Variants in EPB41L4B observed in about 807,000 individuals in gnomAD.
EPB41L4B encodes erythrocyte membrane protein band 4.1 like 4B, also known as band 4.1-like protein 4B.
EPB41L4B carries 30 observed loss-of-function variants against 112.5 expected under a neutral mutation model. The ratio of observed to expected loss-of-function variants is 0.27; its 90% CI spans 0.20 to 0.36. The LOEUF (loss-of-function observed/expected upper bound fraction) is 0.36, where lower values mean the gene tolerates loss of function less well. Among genes scored for constraint, EPB41L4B ranks in the 10% least tolerant of loss-of-function variants. EPB41L4B has a pLI of 1.00. For synonymous variants in EPB41L4B, 408 were observed against 439.7 expected, an observed-to-expected ratio of 0.93 and a Z score of 0.90; for missense variants, 1,024 against 1,133.3, an observed-to-expected ratio of 0.90 and a Z score of 1.38.
At chr9:109,248,377 G>A (rs1049965976) in intron 13 of EPB41L4B, among the ~76,000 whole-genome samples, 8 of 152,184 alleles carry the variant, frequency 5.3e-5, no homozygotes, top group African/African-American at 1.7e-4. Flanking sequence ...TAATCCACAC[G>A]ACAAGGCTAT....
At chr9:109,175,323 T>A (rs187555383) in intron 25 of EPB41L4B, among the ~76,000 whole-genome samples, 1 of 152,258 alleles carries the variant, frequency 6.6e-6, no homozygotes, top group East Asian at 1.9e-4. Flanking sequence ...TTGATGAATA[T>A]CTGAGGGAAT....
At chr9:109,209,448 C>G (rs1403704359) in intron 17 of EPB41L4B, among the ~76,000 whole-genome samples, 2 of 151,706 alleles carry the variant, frequency 1.3e-5, no homozygotes, top group East Asian at 3.9e-4. Context: ...ATCACTTGAG[C>G]CCAGGAGTTG....
chr9:109,253,513 A>C lies in EPB41L4B; in HGVS notation c.1207T>G (p.Leu403Val). Residue 403 changes from leucine (L) to valine (V), a missense_variant, in exon 12 of 26, where the codon TTA becomes GTA. Physicochemically the swap from Leu to Val is conservative, Grantham distance 32. Coordinates refer to ENST00000374566, the MANE Select transcript of EPB41L4B (RefSeq NM_019114.5). ...TEYQATHGSR[L>V]RRTSTFERKP... is the part of the protein sequence containing the mutation. ...CTCTCAAAGGTGCTGGTTCTTCGTA[A>C]CCTGGAGCCATGTGTAGCTTGATAT... 1 of 1,614,006 alleles carries C rather than the reference A, an allele frequency of 6.2e-7. No homozygotes were observed. The highest frequency in any genetic ancestry group is 1.3e-5 in the African/African-American group (1 of 75,046).
At chr9:109,242,119 G>C (rs1834372569) in intron 15 of EPB41L4B, among the ~76,000 whole-genome samples, 1 of 152,170 alleles carries the variant, frequency 6.6e-6, no homozygotes, top group Non-Finnish European at 1.5e-5. Flanking sequence ...ATTACTACAG[G>C]GCTGCTTGGA....
intron 1 of EPB41L4B, among the ~76,000 whole-genome samples, chr9:109,282,616 C>T (rs1371776744): frequency 6.6e-6 from 1 of 152,172 alleles, no homozygotes; most frequent in Admixed American, 6.5e-5. Flanking sequence ...CACCCCATCA[C>T]CTAAGATGTA....
intron 6 of EPB41L4B, 40 bp downstream of exon 6, chr9:109,263,010 A>G (rs1177033202): frequency 1.8e-5 from 25 of 1,405,882 alleles, no homozygotes; most frequent in East Asian, 4.7e-5. Flanking sequence ...ATAAAAAGCA[A>G]TAACATTAAA....
intron 15 of EPB41L4B, chr9:109,241,832 G>C: frequency 6.2e-7 from 1 of 1,613,168 alleles, no homozygotes; most frequent in Non-Finnish European, 8.5e-7. Context: ...CAGAGCGAAT[G>C]GTTAGTGGGA....
intron 1 of EPB41L4B, 115 bp from the exon 2 acceptor site, chr9:109,280,036 A>G: frequency 1.5e-6 from 1 of 678,650 alleles, no homozygotes; most frequent in East Asian, 2.8e-5. Context: ...GCACACACAA[A>G]TTTTTAAATT....
Position 109,200,334 on chromosome 9 carries a change from T to C in EPB41L4B, c.1947A>G (p.Arg649=), listed in dbSNP as rs906532116. ...TTTCCACACGAATAGGAATAGGACTTCTAGAGACACACCGAAAAACAGAAC... is the reference window on the plus strand; with the variant it reads ...TTTCCACACGAATAGGAATAGGACTCCTAGAGACACACCGAAAAACAGAAC... The part of the protein sequence containing the change: ...KKSSLQDASV[R]SPIPIRVETA... Residue 649 remains arginine (R), a splice_region_variant and synonymous_variant, in exon 20 of 26, where the codon AGA becomes AGG. Coordinates refer to ENST00000374566, the MANE Select transcript of EPB41L4B (RefSeq NM_019114.5). 7.4e-6 allele frequency: 12 copies of C among 1,613,454 alleles called. No individual in the cohort carries two copies. Among genetic ancestry groups the C allele is most frequent in the Middle Eastern group, 1.6e-4 (1 of 6,084 alleles).
At chr9:109,227,684 C>T (rs919871942) in intron 15 of EPB41L4B, among the ~76,000 whole-genome samples, 7 of 151,908 alleles carry the variant, frequency 4.6e-5, no homozygotes, top group African/African-American at 1.7e-4. Context: ...TGGATTCAAG[C>T]GATTCTCCTG....
chr9:109,237,387 A>C (rs1834184455), intron 15 of EPB41L4B, among the ~76,000 whole-genome samples: 3 of 152,244 alleles, frequency 2.0e-5, no homozygotes. Flanking sequence ...CAGAAACATG[A>C]ATAGATGATA....
intron 15 of EPB41L4B, among the ~76,000 whole-genome samples, chr9:109,217,960 T>C (rs1023511916): frequency 2.6e-5 from 4 of 151,694 alleles, no homozygotes; most frequent in African/African-American, 9.7e-5. Flanking sequence ...GGCCGTGTCA[T>C]CTCCCACCTA....
intron 1 of EPB41L4B, among the ~76,000 whole-genome samples, chr9:109,282,993 T>C (rs751046532): frequency 4.6e-5 from 7 of 152,156 alleles, no homozygotes; most frequent in Middle Eastern, 6.8e-3. Flanking sequence ...AATGATTCCA[T>C]TTCTTTCTTC....
intron 2 of EPB41L4B, among the ~76,000 whole-genome samples, chr9:109,272,501 C>T (rs2083143204): frequency 6.6e-6 from 1 of 151,266 alleles, no homozygotes; most frequent in Admixed American, 6.6e-5. Context: ...GTCTGTAATC[C>T]CAGTACTTTG....
intron 24 of EPB41L4B, among the ~76,000 whole-genome samples, chr9:109,178,158 C>G (rs1458246659): frequency 2.0e-5 from 3 of 152,104 alleles, no homozygotes; most frequent in African/African-American, 7.2e-5. Context: ...TCAAGTGATC[C>G]TCCCACTTTA....
In EPB41L4B at chr9:109,243,089, C is replaced by T. The variant is rs567655973; in HGVS notation, c.1409+529G>A. On this transcript the variant is annotated intron_variant, in intron 15 of 25. Transcript: ENST00000374566. The stretch of plus-strand genomic sequence containing the variant: ...TGGCAGAGTTAAGGAGTTGTGACAG[C>T]GACCACAAAGCAGAATATATTGACT... Among the ~76,000 whole-genome samples, 36 of 151,620 alleles carry T rather than the reference C, an allele frequency of 2.4e-4. No individual in the cohort carries two copies. In the South Asian group the frequency reaches 6.0e-3, roughly 25 times the overall value.
chr9:109,219,842 A>G (rs2118849843), intron 15 of EPB41L4B, among the ~76,000 whole-genome samples: 1 of 152,158 alleles, frequency 6.6e-6, no homozygotes, highest in East Asian at 1.9e-4. Flanking sequence ...TTGTGTGCCT[A>G]CTGTGTGTAA....
intron 1 of EPB41L4B, among the ~76,000 whole-genome samples, chr9:109,304,833 C>G (rs1038713701): frequency 2.0e-5 from 3 of 152,096 alleles, no homozygotes; most frequent in Admixed American, 6.5e-5. Context: ...TACCCAGGGA[C>G]AGCAAATCCA....
chr9:109,201,815 G>A (rs1832843793), intron 19 of EPB41L4B, among the ~76,000 whole-genome samples: 1 of 152,122 alleles, frequency 6.6e-6, no homozygotes, highest in African/African-American at 2.4e-5. Flanking sequence ...CGGGTCATAT[G>A]GGGCCTCAGG....
Sources: allele counts gnomAD v4.1 joint callset (sites outside exome capture counted in the v4.1 genomes callset), GRCh38; gene constraint gnomAD v4.1.1; transcripts MANE v1.5; gene names NCBI Gene and HGNC (gene_info 2026-07-23, HGNC 2026-07-21).